The following IST1 variants were observed in gnomAD, a reference collection of about 807,000 sequenced individuals.
IST1 encodes the protein IST1 factor associated with ESCRT-III, also known as IST1 homolog.
Under a neutral mutation model 37.0 loss-of-function variants are expected in IST1, and 23 were observed. The observed-to-expected ratio is 0.62, with a 90% CI of 0.45 to 0.88. IST1 has a LOEUF of 0.88. Among genes scored for constraint, IST1 ranks in the 40% least tolerant of loss-of-function variants. The pLI is 0.00. For missense variants in IST1, 488 were observed against 445.4 expected (o/e 1.10, Z -0.86); for synonymous variants, 180 against 161.7 (o/e 1.11, Z -0.86).
At chr16:71,912,245 AT>A (rs1044918777) in intron 1 of IST1, among the ~76,000 whole-genome samples, 1 of 150,138 alleles carries the variant, frequency 6.7e-6, no homozygotes, top group Admixed American at 6.6e-5. Context: ...CATTATAAAA[AT>A]TTTTTTTTTG....
rs1464949091 is a variant in IST1, at chr16:71,929,795, T to C, written c.*1982T>C. 32 of 1,137,958 alleles carry C rather than the reference T, an allele frequency of 2.8e-5. No homozygotes were observed. The East Asian group carries it at 5.9e-4, about 21-fold the overall frequency. 70.5% of individuals were successfully genotyped at this position (1,137,958 alleles called of 1,614,324 possible). ...AGTAAATGTAAAGATACTATTTCTT[T>C]AATAATTTGCAGTCAGGCATTGGAG... On this transcript the variant is annotated 3_prime_UTR_variant, in exon 10 of 10. Transcript: ENST00000378799.
At chr16:71,911,455 C>G in intron 1 of IST1, among the ~76,000 whole-genome samples, 1 of 151,954 alleles carries the variant, frequency 6.6e-6, no homozygotes, top group East Asian at 1.9e-4. Context: ...ATTGCTTGAA[C>G]TTGGGAGGCA....
intron 1 of IST1, among the ~76,000 whole-genome samples, chr16:71,913,282 T>G (rs2037398409): frequency 6.6e-6 from 1 of 152,180 alleles, no homozygotes; most frequent in Non-Finnish European, 1.5e-5. Flanking sequence ...AATTTTCTTT[T>G]TTTTTTTGAT....
chr16:71,931,109 TTTTAC>T lies in IST1; in HGVS notation c.*3301_*3305del, dbSNP rs2037944381. The T allele has an allele frequency of 6.6e-6, 1 of 152,220 alleles. No homozygotes were observed. The highest frequency in any genetic ancestry group is 2.1e-4 in the South Asian group (1 of 4,832). 9.4% of individuals were successfully genotyped at this position (152,220 alleles called of 1,614,324 possible). On this transcript the variant is annotated 3_prime_UTR_variant, in exon 10 of 10. Transcript: ENST00000378799. ...TTTGCTCTATTTGTTTTTTAATGTT[TTTTAC>T]TTTATGTTTACTGTATTTTTATGTA... is the stretch of plus-strand genomic sequence containing the variant.
chr16:71,918,711 G>C (rs11649672), intron 4 of IST1, among the ~76,000 whole-genome samples: 121,443 of 152,158 alleles, frequency 0.8, 48,806 homozygotes, highest in East Asian at 0.95. Flanking sequence ...CCACCATGTT[G>C]AGCCGTTTTT....
chr16:71,902,973 C>T (rs1469621361), intron 1 of IST1, among the ~76,000 whole-genome samples: 1 of 151,860 alleles, frequency 6.6e-6, no homozygotes. Context: ...AATGTGGAAG[C>T]TTAGATTAGT....
chr16:71,896,190 T>C (rs1282045701), intron 1 of IST1, among the ~76,000 whole-genome samples: 2 of 151,830 alleles, frequency 1.3e-5, no homozygotes, highest in Non-Finnish European at 2.9e-5. Flanking sequence ...TAGTGAGAGG[T>C]CTTGGAAGGA....
chr16:71,895,678 C>T (rs1419773235), intron 1 of IST1, 89 bp downstream of exon 1: 1 of 463,950 alleles, frequency 2.2e-6, no homozygotes, highest in Non-Finnish European at 2.8e-6. Flanking sequence ...GCGCTAGGGC[C>T]CGGGATTCAA....
intron 9 of IST1, 29 bp from the exon 10 acceptor site, chr16:71,927,585 T>C: frequency 1.3e-6 from 2 of 1,512,944 alleles, no homozygotes; most frequent in Non-Finnish European, 1.8e-6. Context: ...CTCTGGTATT[T>C]GTAACGTTGT....
chr16:71,902,746 C>T (rs1332335966), intron 1 of IST1, among the ~76,000 whole-genome samples: 2 of 151,968 alleles, frequency 1.3e-5, no homozygotes, highest in African/African-American at 4.8e-5. Flanking sequence ...TGATATTCAC[C>T]CTTTCATCGC....
At chr16:71,895,674 G>C in intron 1 of IST1, 85 bp downstream of exon 1, 1 of 496,244 alleles carries the variant, frequency 2.0e-6, no homozygotes, top group Non-Finnish European at 2.6e-6. Flanking sequence ...GTTAGCGCTA[G>C]GGCCCGGGAT....
At chr16:71,915,500 G>C (rs1364848040) in intron 1 of IST1, 126 bp from the exon 2 acceptor site, 3 of 614,130 alleles carry the variant, frequency 4.9e-6, no homozygotes, top group Admixed American at 6.4e-5. Flanking sequence ...ATGTGAATTA[G>C]ATCATGTCAT....
intron 3 of IST1, 24 bp from the exon 4 acceptor site, chr16:71,917,023 A>G: frequency 6.1e-6 from 9 of 1,468,868 alleles, no homozygotes; most frequent in Non-Finnish European, 8.5e-6. Flanking sequence ...AAAGAATGTT[A>G]TATTAATTTT....
intron 1 of IST1, among the ~76,000 whole-genome samples, chr16:71,911,032 G>C (rs2037342502): frequency 6.6e-6 from 1 of 152,082 alleles, no homozygotes; most frequent in African/African-American, 2.4e-5. Flanking sequence ...TTGAGGTCAG[G>C]AGTTCAAGAC....
intron 1 of IST1, among the ~76,000 whole-genome samples, chr16:71,909,095 CTTTT>C (rs34086105): frequency 8.7e-5 from 9 of 102,944 alleles, no homozygotes; most frequent in African/African-American, 1.5e-4. Flanking sequence ...TTTTGTTTGT[CTTTT>C]TTTTTTTTTT....
intron 1 of IST1, among the ~76,000 whole-genome samples, chr16:71,912,668 T>G (rs758574577): frequency 4.6e-5 from 7 of 152,198 alleles, no homozygotes; most frequent in African/African-American, 1.7e-4. Flanking sequence ...AGTGTAGAGT[T>G]CAGTAGTGTG....
chr16:71,915,840 GT>G, intron 2 of IST1, 112 bp downstream of exon 2: 2 of 655,930 alleles, frequency 3.0e-6, no homozygotes, highest in South Asian at 1.9e-5. Flanking sequence ...TTTTTTTGTT[GT>G]TTTTGTTGAG....
chr16:71,922,545 C>T lies in IST1; in HGVS notation c.624C>T (p.Gly208=), dbSNP rs1000687062. 6.2e-7 allele frequency: 1 copy of T among 1,613,950 alleles called. No homozygotes were observed. Among genetic ancestry groups the T allele is most frequent in the Non-Finnish European group, 8.5e-7 (1 of 1,179,988 alleles). The part of the protein sequence containing the change: ...VGFTDDVKKG[G]PGRGGSGGFT... ...TCACAGATGATGTGAAGAAAGGAGG[C>T]CCTGGAAGAGGAGGGAGTGGTGGCT... Residue 208 remains glycine (G), a synonymous_variant, in exon 7 of 10, where the codon GGC becomes GGT. Transcript: ENST00000378799.
At chr16:71,897,359 A>G (rs1008875514) in intron 1 of IST1, among the ~76,000 whole-genome samples, 1 of 152,114 alleles carries the variant, frequency 6.6e-6, no homozygotes, top group African/African-American at 2.4e-5. Flanking sequence ...TTAAAATAGT[A>G]TTATTATTTT....
Sources: gnomAD v4.1 joint callset for allele counts (sites outside exome capture counted in the v4.1 genomes callset) on GRCh38, gnomAD v4.1.1 for gene constraint, MANE v1.5 for transcripts, NCBI Gene and HGNC (gene_info 2026-07-23, HGNC 2026-07-21) for gene names.